FLCN: variants seen among roughly 807,000 people sequenced by gnomAD.
The protein encoded by FLCN is BHD skin lesion fibrofolliculoma protein.
FLCN carries 22 observed loss-of-function variants against 62.5 expected under a neutral mutation model. That is an observed-to-expected ratio of 0.35 (90% CI 0.25 to 0.50). The LOEUF is 0.50. Among genes scored for constraint, FLCN ranks in the 20% least tolerant of loss-of-function variants. The pLI, the probability that FLCN is intolerant of heterozygous loss-of-function variation, is 0.97. For missense variants in FLCN, 657 were observed against 778.0 expected (o/e 0.84, Z 1.85); for synonymous variants, 319 against 310.0 (o/e 1.03, Z -0.30).
chr17:17,233,096 T>C (rs1376509246), intron 1 of FLCN, among the ~76,000 whole-genome samples, 195 bp from the exon 2 acceptor site: 1 of 152,152 alleles, frequency 6.6e-6, no homozygotes, highest in Non-Finnish European at 1.5e-5. Context: ...AGCTGAACTC[T>C]TGCACCTCTG....
chr17:17,232,489 C>T lies in FLCN; in HGVS notation c.-114+299G>A, dbSNP rs571621255. On this transcript the variant is annotated intron_variant, in intron 2 of 13. Coordinates refer to ENST00000285071, the MANE Select transcript of FLCN (RefSeq NM_144997.7). ...CAGGAGCCACAGCTGTGGGGAAGGC[C>T]GGAGCCAGAGTCTAGTGGCACAGGA... Among the ~76,000 whole-genome samples, 7 of 152,144 alleles carry T rather than the reference C, an allele frequency of 4.6e-5. No homozygotes were observed. The South Asian group carries it at 6.2e-4, about 14-fold the overall frequency.
At chr17:17,221,410 AG>A (rs1446927373) in intron 8 of FLCN, 126 bp downstream of exon 8, 2 of 1,613,796 alleles carry the variant, frequency 1.2e-6, no homozygotes, top group South Asian at 1.1e-5. Context: ...AGCTTCCCGA[AG>A]GCTCGTTCTG....
intron 4 of FLCN, among the ~76,000 whole-genome samples, chr17:17,227,371 G>A (rs1211418679): frequency 2.0e-5 from 3 of 152,062 alleles, no homozygotes; most frequent in Non-Finnish European, 4.4e-5. Flanking sequence ...AGGCTGGAGT[G>A]TGTGAATACA....
In FLCN at chr17:17,221,152, T is replaced by G. The variant is rs183014659; in HGVS notation, c.871+385A>C. ...GAGGTCAGGGAACCACTGCCCTTCATGGAAAACTTGGGACGAACTGAAACA... is the reference window on the plus strand; with the variant it reads ...GAGGTCAGGGAACCACTGCCCTTCAGGGAAAACTTGGGACGAACTGAAACA... On this transcript the variant is annotated intron_variant, in intron 8 of 13. Coordinates refer to ENST00000285071, the MANE Select transcript of FLCN (RefSeq NM_144997.7). 13 of 1,423,682 alleles carry G rather than the reference T, an allele frequency of 9.1e-6. No homozygotes were observed. The East Asian group carries it at 2.1e-4, about 23-fold the overall frequency. The allele number at this position is 1,423,682 out of a possible 1,614,324, so 88.2% of individuals were successfully genotyped here.
intron 4 of FLCN, 124 bp downstream of exon 4, chr17:17,227,765 A>G (rs569957035): frequency 7.3e-5 from 100 of 1,364,146 alleles, no homozygotes; most frequent in Non-Finnish European, 9.9e-5. Context: ...AGCGGAAAGA[A>G]CTGAAGGGCC....
chr17:17,221,574 C>A lies in FLCN; in HGVS notation c.834G>T (p.Pro278=), dbSNP rs146801028. Residue 278 remains proline (P), a synonymous_variant, in exon 8 of 14, where the codon CCG becomes CCT. Coordinates refer to ENST00000285071, the MANE Select transcript of FLCN (RefSeq NM_144997.7). The part of the protein sequence containing the change: ...RLTEKLLEGA[P]TEDTLVQMEK... ...CCATCTGGACCAAGGTATCCTCGGT[C>A]GGAGCACCTTCCAGGAGCTTCTCGG... 5 of 1,611,852 alleles carry A rather than the reference C, an allele frequency of 3.1e-6. No homozygotes were observed. Among genetic ancestry groups the A allele is most frequent in the Non-Finnish European group, 4.2e-6 (5 of 1,180,026 alleles).
At chr17:17,217,030 C>G (rs41424546) in intron 10 of FLCN, 39 bp downstream of exon 10, 7 of 1,445,640 alleles carry the variant, frequency 4.8e-6, no homozygotes, top group Non-Finnish European at 6.8e-6. Context: ...CAGGCCAATA[C>G]TGCCCTGCGC....
intron 5 of FLCN, 39 bp from the exon 6 acceptor site, chr17:17,224,182 C>T: frequency 6.6e-7 from 1 of 1,520,772 alleles, no homozygotes; most frequent in Non-Finnish European, 8.9e-7. Context: ...CCTTTCCTCG[C>T]TTAGTGACAC....
Position 17,213,640 on chromosome 17 carries a change from G to GGT in FLCN, c.*13_*14dup. ...GGACAGCCATCCCTGTCTTTAGGCA[G>GGT]GTGTGTGTGACGGGTCAGTTCCGAG... On this transcript the variant is annotated 3_prime_UTR_variant, in exon 14 of 14. Transcript: ENST00000285071. 1 of 1,614,154 alleles carries GGT rather than the reference G, an allele frequency of 6.2e-7. No homozygotes were observed. The highest frequency in any genetic ancestry group is 1.1e-5 in the South Asian group (1 of 91,084).
At chr17:17,225,892 A>G in intron 5 of FLCN, 1 of 541,678 alleles carries the variant, frequency 1.8e-6, no homozygotes, top group South Asian at 2.0e-5. Flanking sequence ...AAAGAAGGAA[A>G]AAAGAAAACA....
At chr17:17,233,719 T>C (rs1345433953) in intron 1 of FLCN, among the ~76,000 whole-genome samples, 2 of 131,698 alleles carry the variant, frequency 1.5e-5, no homozygotes, top group East Asian at 4.4e-4. Flanking sequence ...ATCTTTCCTT[T>C]TTTTTTTTTT....
chr17:17,230,534 A>G (rs997675373), intron 3 of FLCN, among the ~76,000 whole-genome samples: 1 of 151,890 alleles, frequency 6.6e-6, no homozygotes, highest in African/African-American at 2.4e-5. Context: ...AGTCTCAAAA[A>G]AAACCAAAAA....
intron 9 of FLCN, among the ~76,000 whole-genome samples, chr17:17,218,089 TAATG>T (rs1433856703): frequency 1.3e-5 from 2 of 152,220 alleles, no homozygotes; most frequent in Non-Finnish European, 2.9e-5. Context: ...AACTCTCTTC[TAATG>T]AATCAGTGCT....
chr17:17,215,123 G>A, intron 12 of FLCN, 33 bp from the exon 13 acceptor site: 1 of 1,613,832 alleles, frequency 6.2e-7, no homozygotes, highest in South Asian at 1.1e-5. Context: ...AGCAAGGGCA[G>A]GCGTTAGCGC....
At chr17:17,228,888 G>A (rs1736215) in intron 3 of FLCN, 78,609 of 152,160 alleles carry the variant, frequency 0.52, 21,253 homozygotes, top group East Asian at 0.62. Flanking sequence ...ATCAGAGACT[G>A]GGGAGGCTTT....
At chr17:17,230,439 G>A (rs1469986994) in intron 3 of FLCN, among the ~76,000 whole-genome samples, 1 of 152,104 alleles carries the variant, frequency 6.6e-6, no homozygotes, top group African/African-American at 2.4e-5. Flanking sequence ...GCTGAGGCAC[G>A]AGAATCACTT....
At chr17:17,224,588 T>C (rs1200843506) in intron 5 of FLCN, 2 of 303,800 alleles carry the variant, frequency 6.6e-6, no homozygotes, top group African/African-American at 4.4e-5. Flanking sequence ...CAGGCTGGAA[T>C]GCAGTGGTGT....
At position 17,216,890 on chromosome 17, in the gene FLCN, T is replaced by A; in HGVS notation, c.1176+179A>T. On this transcript the variant is annotated intron_variant, in intron 10 of 13. Coordinates refer to ENST00000285071, the MANE Select transcript of FLCN (RefSeq NM_144997.7). The surrounding 1 kb of genome is among the most constrained non-coding windows in gnomAD (Gnocchi z 4.0). ...TCAGCAGGCACACGCATCCTTCTGA[T>A]GATTTAAACATCATCAGACCAGACC... 1.5e-6 allele frequency: 1 copy of A among 663,256 alleles called. No individual in the cohort carries two copies. Among genetic ancestry groups the A allele is most frequent in the Non-Finnish European group, 2.7e-6 (1 of 364,988 alleles). 41.1% of individuals were successfully genotyped at this position (663,256 alleles called of 1,614,324 possible).
intron 4 of FLCN, among the ~76,000 whole-genome samples, chr17:17,226,974 C>T (rs1347044056): frequency 6.6e-6 from 1 of 152,218 alleles, no homozygotes; most frequent in African/African-American, 2.4e-5. Flanking sequence ...TCGCAGGATT[C>T]CTCCATGGGC....
Sources: allele counts gnomAD v4.1 joint callset (sites outside exome capture counted in the v4.1 genomes callset), GRCh38; gene constraint gnomAD v4.1.1; non-coding constraint Gnocchi (gnomAD v3.1); transcripts MANE v1.5; gene names NCBI Gene and HGNC (gene_info 2026-07-23, HGNC 2026-07-21).